LNP1: variants seen among roughly 807,000 people sequenced by gnomAD.
LNP1 encodes leukemia NUP98 fusion partner 1.
Under a neutral mutation model 14.5 loss-of-function variants are expected in LNP1, and 12 were observed. The ratio of observed to expected loss-of-function variants is 0.83; its 90% CI spans 0.53 to 1.34. The LOEUF (loss-of-function observed/expected upper bound fraction) is 1.34. LNP1 is among the 40% of genes most tolerant of loss of function. The pLI, the probability that LNP1 is intolerant of heterozygous loss-of-function variation, is 0.00. For synonymous variants in LNP1, 75 were observed against 71.4 expected (o/e 1.05, Z -0.26); for missense variants, 198 against 210.9 (o/e 0.94, Z 0.38).
At chr3:100,428,143 A>G (rs780611870) in intron 1 of LNP1, among the ~76,000 whole-genome samples, 7 of 152,204 alleles carry the variant, frequency 4.6e-5, no homozygotes, top group Non-Finnish European at 7.3e-5. Context: ...CTTAGTATTA[A>G]TTTCACTTTG....
At chr3:100,405,488 G>A (rs1231588690) in intron 1 of LNP1, among the ~76,000 whole-genome samples, 2 of 152,172 alleles carry the variant, frequency 1.3e-5, no homozygotes, top group Admixed American at 6.5e-5. Context: ...TGAGGATGGG[G>A]GTTTGAGATC....
intron 1 of LNP1, among the ~76,000 whole-genome samples, chr3:100,406,539 A>T (rs1706968490): frequency 6.6e-6 from 1 of 151,630 alleles, no homozygotes; most frequent in African/African-American, 2.4e-5. Context: ...TTATTTTTTT[A>T]TTTTTATTTT....
At chr3:100,442,191 G>A (rs1432281782) in intron 2 of LNP1, among the ~76,000 whole-genome samples, 1 of 152,152 alleles carries the variant, frequency 6.6e-6, no homozygotes, top group Non-Finnish European at 1.5e-5. Context: ...TAATGATGGA[G>A]TAGTAAGCAA....
At chr3:100,427,029 A>G (rs1294943637) in intron 1 of LNP1, among the ~76,000 whole-genome samples, 1 of 152,064 alleles carries the variant, frequency 6.6e-6, no homozygotes, top group East Asian at 1.9e-4. Context: ...AGCGTATATG[A>G]TTCACATTAT....
chr3:100,409,201 G>T (rs1206752586), intron 1 of LNP1, among the ~76,000 whole-genome samples: 1 of 152,106 alleles, frequency 6.6e-6, no homozygotes, highest in African/African-American at 2.4e-5. Context: ...CTTGAGCTGG[G>T]ATATTCATCT....
intron 3 of LNP1, among the ~76,000 whole-genome samples, chr3:100,454,033 A>T (rs1707486528): frequency 6.6e-6 from 1 of 152,170 alleles, no homozygotes; most frequent in Non-Finnish European, 1.5e-5. Context: ...TATTATTATA[A>T]GCCCTAAAAG....
chr3:100,407,839 T>A (rs2148898352), intron 1 of LNP1, among the ~76,000 whole-genome samples: 1 of 152,356 alleles, frequency 6.6e-6, no homozygotes, highest in East Asian at 1.9e-4. Flanking sequence ...TCTTCAAGTT[T>A]ACAGATTCTT....
intron 2 of LNP1, among the ~76,000 whole-genome samples, chr3:100,449,983 A>T (rs1707422880): frequency 6.6e-6 from 1 of 152,168 alleles, no homozygotes; most frequent in Non-Finnish European, 1.5e-5. Context: ...TGGCTAGCAA[A>T]AAGATGGCCT....
intron 1 of LNP1, among the ~76,000 whole-genome samples, chr3:100,417,471 G>A (rs1256310154): frequency 1.5e-5 from 2 of 132,960 alleles, no homozygotes; most frequent in Admixed American, 8.6e-5. Context: ...CCGCCTCCCA[G>A]GCTAAGCACT....
chr3:100,418,007 A>G (rs183017178), intron 1 of LNP1, among the ~76,000 whole-genome samples: 1 of 148,418 alleles, frequency 6.7e-6, no homozygotes, highest in Admixed American at 6.7e-5. Flanking sequence ...GAGTTTTATC[A>G]TATCATTTGT....
chr3:100,414,260 A>G (rs918177086), intron 1 of LNP1, among the ~76,000 whole-genome samples: 1 of 152,098 alleles, frequency 6.6e-6, no homozygotes, highest in African/African-American at 2.4e-5. Context: ...AAGGTTAATG[A>G]AAGTGGTCAG....
chr3:100,419,272 A>G (rs1373510174), intron 1 of LNP1, among the ~76,000 whole-genome samples: 2 of 152,084 alleles, frequency 1.3e-5, no homozygotes, highest in Non-Finnish European at 2.9e-5. Flanking sequence ...CATTTAGAGA[A>G]GTTTCTTTTT....
intron 1 of LNP1, among the ~76,000 whole-genome samples, chr3:100,415,545 C>A (rs1431412609): frequency 6.6e-6 from 1 of 152,154 alleles, no homozygotes; most frequent in Non-Finnish European, 1.5e-5. Context: ...TTTAGAGAGG[C>A]AACCATTATG....
At chr3:100,450,809 A>T (rs1196673357) in intron 2 of LNP1, among the ~76,000 whole-genome samples, 1 of 152,190 alleles carries the variant, frequency 6.6e-6, no homozygotes, top group Non-Finnish European at 1.5e-5. Context: ...AACTCCATAA[A>T]GGAGTTACCT....
At chr3:100,412,647 G>A (rs1239815226) in intron 1 of LNP1, among the ~76,000 whole-genome samples, 1 of 152,088 alleles carries the variant, frequency 6.6e-6, no homozygotes. Flanking sequence ...TTTGTATCCT[G>A]TACAAAATCT....
chr3:100,405,007 T>C (rs1706949678), intron 1 of LNP1, among the ~76,000 whole-genome samples: 1 of 152,136 alleles, frequency 6.6e-6, no homozygotes, highest in Non-Finnish European at 1.5e-5. Flanking sequence ...TTAGCCAGGA[T>C]GGTCTCGATC....
Position 100,456,067 on chromosome 3 carries a change from C to A in LNP1, c.*141C>A. 1 of 787,044 alleles carries A rather than the reference C, an allele frequency of 1.3e-6. No individual in the cohort carries two copies. The highest frequency in any genetic ancestry group is 2.1e-6 in the Non-Finnish European group (1 of 485,130). The allele number at this position is 787,044 out of a possible 1,614,324, so 48.8% of individuals were successfully genotyped here. On this transcript the variant is annotated 3_prime_UTR_variant, in exon 4 of 4. Coordinates refer to ENST00000383693, the MANE Select transcript of LNP1 (RefSeq NM_001085451.2). ...AAAAGCAACTGCAGATGCTGACTGA[C>A]TGCAGTGGGCAGGGTATGTAGCTGC...
chr3:100,423,515 T>C (rs1267515369), intron 1 of LNP1, among the ~76,000 whole-genome samples: 1 of 151,812 alleles, frequency 6.6e-6, no homozygotes, highest in Non-Finnish European at 1.5e-5. Context: ...AAAGGGAAAA[T>C]CATTTTCTCA....
intron 2 of LNP1, among the ~76,000 whole-genome samples, chr3:100,448,040 G>T (rs1374828479): frequency 6.6e-6 from 1 of 151,980 alleles, no homozygotes; most frequent in Non-Finnish European, 1.5e-5. Flanking sequence ...TGATGAGTTT[G>T]TCTACAAGTA....
Sources: gnomAD v4.1 joint callset for allele counts (sites outside exome capture counted in the v4.1 genomes callset) on GRCh38, gnomAD v4.1.1 for gene constraint, MANE v1.5 for transcripts, NCBI Gene and HGNC (gene_info 2026-07-23, HGNC 2026-07-21) for gene names.